TTC27: variants seen among roughly 807,000 people sequenced by gnomAD.
TTC27 encodes tetratricopeptide repeat domain 27.
In TTC27, 79 loss-of-function variants were observed where a neutral mutation model predicts 115.9. The ratio of observed to expected loss-of-function variants is 0.68; its 90% CI spans 0.57 to 0.82. The LOEUF is 0.82. Among genes scored for constraint, TTC27 ranks in the 40% least tolerant of loss-of-function variants. The pLI is 0.00. For synonymous variants in TTC27, 401 were observed against 356.0 expected (o/e 1.13, Z -1.42); for missense variants, 1,054 against 993.1 (o/e 1.06, Z -0.82).
At chr2:32,651,540 T>C (rs1469029578) in intron 5 of TTC27, among the ~76,000 whole-genome samples, 1 of 152,174 alleles carries the variant, frequency 6.6e-6, no homozygotes, top group East Asian at 1.9e-4. Flanking sequence ...GACATGGGGT[T>C]TCTCCATGTT....
intron 16 of TTC27, among the ~76,000 whole-genome samples, chr2:32,806,586 C>T (rs796635101): frequency 4.6e-5 from 7 of 152,182 alleles, no homozygotes; most frequent in African/African-American, 1.7e-4. Context: ...CGAGACCATC[C>T]TGGCTAACAC....
intron 9 of TTC27, among the ~76,000 whole-genome samples, chr2:32,702,508 G>A (rs75292302): frequency 0.016 from 2,502 of 152,210 alleles, 31 homozygotes; most frequent in Non-Finnish European, 0.022. Context: ...AGGTTTCAGT[G>A]TGTGCATATT....
In TTC27 at chr2:32,641,709, A is replaced by T. The variant is rs571597398; in HGVS notation, c.537+1299A>T. Among the ~76,000 whole-genome samples, 34 of 151,428 alleles carry T rather than the reference A, an allele frequency of 2.2e-4. No homozygotes were observed. The South Asian group carries it at 7.1e-3, about 32-fold the overall frequency. Reference sequence around the variant, plus strand: ...CTTTTTTTTTTCGAGATGGAGTTTCACTCTTGTTGCCCAGGCTGGAGTGCA... The same window carrying T: ...CTTTTTTTTTTCGAGATGGAGTTTCTCTCTTGTTGCCCAGGCTGGAGTGCA... On this transcript the variant is annotated intron_variant, in intron 4 of 19. Coordinates refer to ENST00000317907, the MANE Select transcript of TTC27 (RefSeq NM_017735.5).
At chr2:32,700,048 G>C (rs1667131458) in intron 9 of TTC27, among the ~76,000 whole-genome samples, 1 of 152,216 alleles carries the variant, frequency 6.6e-6, no homozygotes, top group Admixed American at 6.5e-5. Context: ...GTTGCTAGCA[G>C]AATGATCAGT....
chr2:32,664,221 T>C, intron 5 of TTC27, 82 bp from the exon 6 acceptor site: 2 of 1,225,786 alleles, frequency 1.6e-6, no homozygotes, highest in Non-Finnish European at 1.1e-6. Context: ...CTATATACTT[T>C]ATGTATTATA....
chr2:32,782,495 A>C (rs1162713701), intron 14 of TTC27, 131 bp from the exon 15 acceptor site: 1 of 592,782 alleles, frequency 1.7e-6, no homozygotes, highest in Non-Finnish European at 2.9e-6. Context: ...ATACCTTTAA[A>C]CACACTCTTA....
At chr2:32,678,003 T>A (rs1169058837) in intron 8 of TTC27, among the ~76,000 whole-genome samples, 1 of 152,208 alleles carries the variant, frequency 6.6e-6, no homozygotes, top group African/African-American at 2.4e-5. Context: ...ATGCCTGTAA[T>A]CCAAACACAT....
chr2:32,690,383 A>C (rs1393196650), intron 9 of TTC27, among the ~76,000 whole-genome samples: 2 of 152,196 alleles, frequency 1.3e-5, no homozygotes, highest in Non-Finnish European at 2.9e-5. Context: ...ACTTGCCTTC[A>C]TGGAATTTTT....
chr2:32,762,271 AG>A lies in TTC27; in HGVS notation c.1680+3753del, dbSNP rs1454527682. ...TATGAGCAAAGCTCTAGAAACACAG[AG>A]AGAAGTGTGTGTGTGTGTGTGTGTG... On this transcript the variant is annotated intron_variant, in intron 13 of 19. Transcript: ENST00000317907. Among the ~76,000 whole-genome samples, 25 of 148,124 alleles carry A rather than the reference AG, an allele frequency of 1.7e-4. No homozygotes were observed. The East Asian group carries it at 2.2e-3, about 13-fold the overall frequency.
At chr2:32,763,536 G>A (rs1229441719) in intron 13 of TTC27, among the ~76,000 whole-genome samples, 10 of 152,152 alleles carry the variant, frequency 6.6e-5, no homozygotes, top group Non-Finnish European at 1.2e-4. Context: ...GGGGGAAAAA[G>A]GCTATTGTCC....
In TTC27 at chr2:32,666,698, G is replaced by C. The variant is rs1317395852; in HGVS notation, c.869G>C (p.Arg290Thr). The C allele has an allele frequency of 6.2e-7, 1 of 1,614,090 alleles. No homozygotes were observed. Among genetic ancestry groups the C allele is most frequent in the East Asian group, 2.2e-5 (1 of 44,868 alleles). ...NYVAQLILDV[R>T]REGDVLSNCE... ...GTGGCACAACTGATTCTAGATGTAA[G>C]AAGGGAAGGGGATGTCCTTTCAAAT... The change falls in exon 7 of 20, where the codon AGA becomes ACA. Residue 290 changes from arginine (R) to threonine (T), a missense_variant. Coordinates refer to ENST00000317907, the MANE Select transcript of TTC27 (RefSeq NM_017735.5).
chr2:32,633,839 A>T (rs1664309442), intron 2 of TTC27, 37 bp from the exon 3 acceptor site: 1 of 1,597,170 alleles, frequency 6.3e-7, no homozygotes, highest in Admixed American at 1.7e-5. Flanking sequence ...CAGTGATAGT[A>T]GTTCATATTT....
chr2:32,770,740 A>G (rs1281235943), intron 13 of TTC27, among the ~76,000 whole-genome samples: 1 of 152,218 alleles, frequency 6.6e-6, no homozygotes, highest in Non-Finnish European at 1.5e-5. Flanking sequence ...CGGTTTGTAC[A>G]TGCTGCTCTT....
chr2:32,806,882 C>T (rs35766644), intron 16 of TTC27, among the ~76,000 whole-genome samples: 6,860 of 152,212 alleles, frequency 0.045, 245 homozygotes, highest in Middle Eastern at 0.14. Flanking sequence ...TTTTACTTCA[C>T]TTTATGAGGT....
At chr2:32,667,626 G>A (rs531204555) in intron 7 of TTC27, among the ~76,000 whole-genome samples, 25 of 151,378 alleles carry the variant, frequency 1.7e-4, no homozygotes, top group Non-Finnish European at 3.5e-4. Flanking sequence ...ATGTTGGTCA[G>A]GCTGGTCTCG....
At chr2:32,744,478 A>G (rs1668750362) in intron 12 of TTC27, among the ~76,000 whole-genome samples, 1 of 152,210 alleles carries the variant, frequency 6.6e-6, no homozygotes, top group Non-Finnish European at 1.5e-5. Flanking sequence ...ACAGTTGACC[A>G]GTGTGATTAT....
chr2:32,810,879 C>G, intron 16 of TTC27, 145 bp from the exon 17 acceptor site: 3 of 878,844 alleles, frequency 3.4e-6, no homozygotes, highest in Admixed American at 2.8e-5. Context: ...TTTTATTTTG[C>G]TTTTCAAAAG....
At chr2:32,680,953 G>T (rs1367204637) in intron 9 of TTC27, among the ~76,000 whole-genome samples, 1 of 152,040 alleles carries the variant, frequency 6.6e-6, no homozygotes, top group African/African-American at 2.4e-5. Context: ...TGAGGTACCT[G>T]TGAAGTAATT....
intron 4 of TTC27, among the ~76,000 whole-genome samples, chr2:32,646,730 A>AT (rs1664878213): frequency 6.6e-6 from 1 of 151,098 alleles, no homozygotes; most frequent in Non-Finnish European, 1.5e-5. Context: ...CGCCCAGCTA[A>AT]TTTTTTGTAT....
Sources: allele counts gnomAD v4.1 joint callset (sites outside exome capture counted in the v4.1 genomes callset), GRCh38; gene constraint gnomAD v4.1.1; transcripts MANE v1.5; gene names NCBI Gene and HGNC (gene_info 2026-07-23, HGNC 2026-07-21).